Variants in GLRX3 observed in about 807,000 individuals in gnomAD.
GLRX3 encodes glutaredoxin-3.
A neutral mutation model predicts 49.5 loss-of-function variants in GLRX3; 22 were observed. The observed-to-expected ratio is 0.44, with a 90% confidence interval of 0.32 to 0.63. GLRX3 has a LOEUF of 0.63. Ranked by LOEUF, GLRX3 falls within the 30% of genes least tolerant of loss-of-function variation. GLRX3 has a pLI of 0.05. For synonymous variants in GLRX3, 133 were observed against 140.0 expected (o/e 0.95, Z 0.35); for missense variants, 385 against 396.3 (o/e 0.97, Z 0.24).
intron 10 of GLRX3, among the ~76,000 whole-genome samples, chr10:130,176,352 C>T (rs1862919967): frequency 6.6e-6 from 1 of 151,984 alleles, no homozygotes. Flanking sequence ...ACTGCTGACC[C>T]CAGGTGATCC....
chr10:130,141,160 C>T (rs973461322), intron 1 of GLRX3, among the ~76,000 whole-genome samples: 30 of 152,008 alleles, frequency 2.0e-4, no homozygotes, highest in African/African-American at 7.2e-4. Context: ...GGTCATTGGC[C>T]AAAGCCCAAC....
rs751776900 is a variant in GLRX3 at position 130,169,423 on chromosome 10, C to A, written c.714-10C>A. ...AGCTGAGCCGTTTTATATCAATTTT[C>A]TCTCTTTAGGCTCAAAGTGCTGACA... On this transcript the variant is annotated splice_polypyrimidine_tract_variant and intron_variant, in intron 6 of 10. Transcript: ENST00000331244. The A allele has an allele frequency of 1.3e-6, 2 of 1,594,986 alleles. No homozygotes were observed. Among genetic ancestry groups the A allele is most frequent in the Non-Finnish European group, 1.7e-6 (2 of 1,162,646 alleles).
chr10:130,160,559 G>C (rs940450208), intron 3 of GLRX3, among the ~76,000 whole-genome samples: 1 of 152,102 alleles, frequency 6.6e-6, no homozygotes, highest in African/African-American at 2.4e-5. Flanking sequence ...AGTCTTTTTT[G>C]TATTATGTTA....
intron 8 of GLRX3, among the ~76,000 whole-genome samples, chr10:130,173,138 G>A (rs1020329035): frequency 1.3e-5 from 2 of 152,142 alleles, no homozygotes; most frequent in Non-Finnish European, 2.9e-5. Flanking sequence ...GGTCCACAGT[G>A]AGACACACAC....
At chr10:130,158,215 A>ATTT (rs756696306) in intron 2 of GLRX3, among the ~76,000 whole-genome samples, 72 of 144,596 alleles carry the variant, frequency 5.0e-4, no homozygotes, top group African/African-American at 1.5e-3. Flanking sequence ...AAGAAATCAG[A>ATTT]TTTTTTTTTT....
chr10:130,145,314 G>T lies in GLRX3; in HGVS notation c.196G>T (p.Val66Leu). The change falls in exon 2 of 11, where the codon GTG (valine) becomes TTG (leucine). Residue 66 changes from valine (V) to leucine (L), a missense_variant. Around this residue, in one of 2 missense-constraint regions of GLRX3, gnomAD observed 374 missense variants for 358.6 expected, o/e 1.04. Coordinates refer to ENST00000331244, the MANE Select transcript of GLRX3 (RefSeq NM_006541.5). ...TAAAGAACTCCCTCAAGTTTCATTTGTGAAGGTATTTATATTTCAATGTCA... is the reference window on the plus strand; with the variant it reads ...TAAAGAACTCCCTCAAGTTTCATTTTTGAAGGTATTTATATTTCAATGTCA... ...LAKELPQVSFVKLEAEGVPEV... is the reference protein window; with the variant it reads ...LAKELPQVSFLKLEAEGVPEV... 1 of 1,325,510 alleles carries T rather than the reference G, an allele frequency of 7.5e-7. No homozygotes were observed. Among genetic ancestry groups the T allele is most frequent in the Non-Finnish European group, 1.1e-6 (1 of 916,962 alleles). 82.1% of individuals were successfully genotyped at this position (1,325,510 alleles called of 1,614,324 possible). A position where few individuals can be genotyped will look rare whatever the true frequency, so the allele number is the denominator to read the frequency against.
intron 2 of GLRX3, among the ~76,000 whole-genome samples, chr10:130,150,329 C>T (rs1009669753): frequency 1.3e-5 from 2 of 152,086 alleles, no homozygotes; most frequent in Non-Finnish European, 2.9e-5. Flanking sequence ...CCTCCCTGAT[C>T]CCACTTCCAG....
At chr10:130,142,859 G>A (rs1862200982) in intron 1 of GLRX3, among the ~76,000 whole-genome samples, 1 of 152,088 alleles carries the variant, frequency 6.6e-6, no homozygotes, top group Non-Finnish European at 1.5e-5. Flanking sequence ...TACTACATAA[G>A]TTCCTTCTCC....
intron 2 of GLRX3, among the ~76,000 whole-genome samples, chr10:130,153,318 C>G (rs1862415564): frequency 6.6e-6 from 1 of 152,228 alleles, no homozygotes; most frequent in Non-Finnish European, 1.5e-5. Flanking sequence ...TGAACTCATT[C>G]TCTGTCCAGT....
chr10:130,177,246 C>T (rs887054478), intron 10 of GLRX3, among the ~76,000 whole-genome samples: 1 of 152,170 alleles, frequency 6.6e-6, no homozygotes, highest in South Asian at 2.1e-4. Context: ...AGTTACTCAG[C>T]TAATCTAGTG....
chr10:130,172,629 A>T (rs1862834131), intron 8 of GLRX3, among the ~76,000 whole-genome samples: 1 of 152,212 alleles, frequency 6.6e-6, no homozygotes, highest in Non-Finnish European at 1.5e-5. Flanking sequence ...TACAGGTTGA[A>T]TACAATTTCA....
intron 1 of GLRX3, among the ~76,000 whole-genome samples, chr10:130,138,308 C>T (rs1284464173): frequency 1.3e-5 from 2 of 152,090 alleles, no homozygotes; most frequent in African/African-American, 2.4e-5. Context: ...ATTCGCCTGC[C>T]TCGGCCTTGT....
In GLRX3 at chr10:130,166,761, C is replaced by T. The variant is rs1041971408; in HGVS notation, c.651+82C>T. ...AAAATGTTGTGATAAATCTAAGATA[C>T]AAATTTCTTATGAATCTATATTTAC... On this transcript the variant is annotated intron_variant, in intron 5 of 10. Coordinates refer to ENST00000331244, the MANE Select transcript of GLRX3 (RefSeq NM_006541.5). 8.2e-6 allele frequency: 9 copies of T among 1,093,446 alleles called. No homozygotes were observed. In the African/African-American group the frequency reaches 1.3e-4, roughly 15 times the overall value. The allele number at this position is 1,093,446 out of a possible 1,614,324, so 67.7% of individuals were successfully genotyped here. A position where few individuals can be genotyped will look rare whatever the true frequency, so the allele number is the denominator to read the frequency against.
Position 130,174,893 on chromosome 10 carries a change from T to C in GLRX3, c.851T>C (p.Leu284Ser). ...TGVEYETFDILEDEEVRQGLK... is the reference protein window; with the variant it reads ...TGVEYETFDISEDEEVRQGLK... ...GTTGAATATGAAACATTCGATATAT[T>C]GGAGGATGAAGAAGTAAGTTCTGTG... The change falls in exon 9 of 11, where the codon TTG (leucine) becomes TCG (serine). Residue 284 changes from leucine (L) to serine (S), a missense_variant. By Grantham distance (145) the Leu-to-Ser change is moderately radical. Around this residue, in one of 2 missense-constraint regions of GLRX3, gnomAD observed 374 missense variants for 358.6 expected, o/e 1.04. Transcript: ENST00000331244. The C allele has an allele frequency of 6.3e-7, 1 of 1,599,260 alleles. No individual in the cohort carries two copies. The highest frequency in any genetic ancestry group is 8.6e-7 in the Non-Finnish European group (1 of 1,166,418).
chr10:130,173,162 C>A (rs966077202), intron 8 of GLRX3, among the ~76,000 whole-genome samples: 1 of 152,208 alleles, frequency 6.6e-6, no homozygotes, highest in African/African-American at 2.4e-5. Flanking sequence ...CCATCCCTCT[C>A]TAGCAGTACC....
chr10:130,149,388 C>A (rs1166351018), intron 2 of GLRX3, among the ~76,000 whole-genome samples: 7 of 151,612 alleles, frequency 4.6e-5, no homozygotes, highest in Non-Finnish European at 7.4e-5. Flanking sequence ...GTTGCAGTGA[C>A]CCGAGATCGC....
At chr10:130,165,880 C>G (rs1289879686) in intron 4 of GLRX3, among the ~76,000 whole-genome samples, 1 of 152,230 alleles carries the variant, frequency 6.6e-6, no homozygotes, top group East Asian at 1.9e-4. Context: ...GAGGGACTGT[C>G]AGAGCATCAG....
At chr10:130,142,304 C>T (rs527383054) in intron 1 of GLRX3, among the ~76,000 whole-genome samples, 6 of 152,286 alleles carry the variant, frequency 3.9e-5, no homozygotes, top group African/African-American at 1.2e-4. Flanking sequence ...GGTAGCATCT[C>T]CCCAAGCCCT....
At chr10:130,169,082 A>C (rs1453819357) in intron 6 of GLRX3, among the ~76,000 whole-genome samples, 3 of 152,212 alleles carry the variant, frequency 2.0e-5, no homozygotes, top group African/African-American at 7.2e-5. Context: ...AAGATGGTGC[A>C]CACAAGATCT....
Sources: allele counts gnomAD v4.1 joint callset (sites outside exome capture counted in the v4.1 genomes callset), GRCh38; gene constraint gnomAD v4.1.1; regional missense constraint gnomAD v4.1.1; transcripts MANE v1.5; gene names NCBI Gene and HGNC (gene_info 2026-07-23, HGNC 2026-07-21).